Variants in CRPPA observed in about 807,000 individuals in gnomAD.
The protein encoded by CRPPA is CDP-L-ribitol pyrophosphorylase A, also known as D-ribitol-5-phosphate cytidylyltransferase.
In CRPPA, 43 loss-of-function variants were observed where a neutral mutation model predicts 52.0. The observed-to-expected ratio is 0.83, with a 90% confidence interval of 0.65 to 1.07. The LOEUF (loss-of-function observed/expected upper bound fraction) is 1.07, where lower values mean the gene tolerates loss of function less well. CRPPA is among the 50% of genes least tolerant of loss of function. The pLI is 0.00. For synonymous variants in CRPPA, 250 were observed against 203.5 expected, an observed-to-expected ratio of 1.23 and a Z score of -1.94; for missense variants, 629 against 551.7, an observed-to-expected ratio of 1.14 and a Z score of -1.40.
intron 2 of CRPPA, among the ~76,000 whole-genome samples, chr7:16,403,641 G>A (rs955802500): frequency 6.6e-6 from 1 of 152,116 alleles, no homozygotes; most frequent in Non-Finnish European, 1.5e-5. Flanking sequence ...CAGTCTGAAC[G>A]GTGTGTGACT....
chr7:16,215,679 T>C (rs1782285259), intron 9 of CRPPA, among the ~76,000 whole-genome samples: 1 of 152,216 alleles, frequency 6.6e-6, no homozygotes, highest in South Asian at 2.1e-4. Context: ...TCTGGCTTTG[T>C]AGGGTTGCCA....
intron 9 of CRPPA, among the ~76,000 whole-genome samples, chr7:16,096,388 C>T (rs1781935312): frequency 6.6e-6 from 1 of 151,626 alleles, no homozygotes; most frequent in African/African-American, 2.4e-5. Context: ...GCCTAAGACA[C>T]TAAAAAATAG....
intron 1 of CRPPA, among the ~76,000 whole-genome samples, chr7:16,414,488 A>AT (rs1409477453): frequency 6.6e-6 from 1 of 152,180 alleles, no homozygotes; most frequent in Non-Finnish European, 1.5e-5. Context: ...CAGGGAATAC[A>AT]TTTTTTAAAA....
chr7:16,263,443 T>C (rs1262473246), intron 6 of CRPPA, among the ~76,000 whole-genome samples: 1 of 152,190 alleles, frequency 6.6e-6, no homozygotes, highest in Non-Finnish European at 1.5e-5. Flanking sequence ...GTTAGTAAGA[T>C]ATACACTCTT....
chr7:16,317,878 C>T (rs1785181166), intron 3 of CRPPA, among the ~76,000 whole-genome samples: 2 of 152,240 alleles, frequency 1.3e-5, no homozygotes, highest in African/African-American at 4.8e-5. Flanking sequence ...TATCAAAGTT[C>T]TCTTTTGTCC....
At chr7:16,305,732 G>A (rs7787520) in intron 4 of CRPPA, among the ~76,000 whole-genome samples, 39,334 of 151,884 alleles carry the variant, frequency 0.26, 5,061 homozygotes, top group Non-Finnish European at 0.29. Flanking sequence ...TGAGTGTGGT[G>A]GCAAGCGCCT....
chr7:16,386,702 G>A (rs1787278774), intron 2 of CRPPA, among the ~76,000 whole-genome samples: 1 of 152,048 alleles, frequency 6.6e-6, no homozygotes, highest in African/African-American at 2.4e-5. Flanking sequence ...GACAGGCAAG[G>A]AAGTTAATAC....
chr7:16,315,299 C>T (rs548633322), intron 3 of CRPPA, among the ~76,000 whole-genome samples: 26 of 152,260 alleles, frequency 1.7e-4, no homozygotes, highest in African/African-American at 6.0e-4. Context: ...GAGTCCTTGT[C>T]ATATTAATCA....
At chr7:16,222,340 T>C (rs1782535736) in intron 8 of CRPPA, among the ~76,000 whole-genome samples, 1 of 147,178 alleles carries the variant, frequency 6.8e-6, no homozygotes, top group South Asian at 2.2e-4. Context: ...ATATACCTAA[T>C]GCTAGATGAC....
chr7:16,128,839 TA>T (rs1246547384), intron 9 of CRPPA, among the ~76,000 whole-genome samples: 1 of 152,092 alleles, frequency 6.6e-6, no homozygotes, highest in Non-Finnish European at 1.5e-5. Flanking sequence ...GGCTAAGGTA[TA>T]AAATGAGTAG....
Position 16,297,153 on chromosome 7 carries a change from T to A in CRPPA, c.835+4268A>T, listed in dbSNP as rs371221679. ...AGACCTGAGCTTAAATAATGGATCT[T>A]GCTCTTACCAACCGTGTGACCCAGA... is the stretch of plus-strand genomic sequence containing the variant. On this transcript the variant is annotated intron_variant, in intron 5 of 9. Transcript: ENST00000407010. Among the ~76,000 whole-genome samples the A allele has an allele frequency of 3.9e-5, 6 of 152,310 alleles. No homozygotes were observed. In the East Asian group the frequency reaches 1.2e-3, roughly 29 times the overall value.
At chr7:16,196,884 T>C (rs556721148) in intron 9 of CRPPA, among the ~76,000 whole-genome samples, 1 of 152,296 alleles carries the variant, frequency 6.6e-6, no homozygotes, top group South Asian at 2.1e-4. Flanking sequence ...TAATGTGTTT[T>C]CATAACCTAA....
At chr7:16,232,754 A>C (rs1351940491) in intron 8 of CRPPA, among the ~76,000 whole-genome samples, 1 of 152,182 alleles carries the variant, frequency 6.6e-6, no homozygotes, top group Non-Finnish European at 1.5e-5. Flanking sequence ...ATCTGGAACA[A>C]AGCTCATATT....
chr7:16,096,249 T>C (rs968643470), intron 9 of CRPPA, among the ~76,000 whole-genome samples: 3 of 151,112 alleles, frequency 2.0e-5, no homozygotes, highest in Non-Finnish European at 2.9e-5. Flanking sequence ...TATCACTAGA[T>C]AGGCAAAGAA....
intron 3 of CRPPA, among the ~76,000 whole-genome samples, chr7:16,368,113 C>T (rs1786656803): frequency 6.6e-6 from 1 of 152,026 alleles, no homozygotes; most frequent in African/African-American, 2.4e-5. Flanking sequence ...CCAATTTTCA[C>T]AGGAAATGAA....
chr7:16,356,188 A>G (rs1327441332), intron 3 of CRPPA, among the ~76,000 whole-genome samples: 2 of 152,242 alleles, frequency 1.3e-5, no homozygotes, highest in East Asian at 3.8e-4. Flanking sequence ...GAACAAGTTA[A>G]GCCAAACAAT....
At chr7:16,250,894 A>T (rs1386152334) in intron 8 of CRPPA, among the ~76,000 whole-genome samples, 1 of 152,168 alleles carries the variant, frequency 6.6e-6, no homozygotes, top group Non-Finnish European at 1.5e-5. Context: ...TTAAATGTAA[A>T]TGGAATAAAT....
In CRPPA at chr7:16,259,019, G is replaced by A; in HGVS notation, c.934-7C>T. On this transcript the variant is annotated splice_region_variant and splice_polypyrimidine_tract_variant and intron_variant, in intron 6 of 9. Coordinates refer to ENST00000407010, the MANE Select transcript of CRPPA (RefSeq NM_001101426.4). ...CAGATGTGACTTTTACATGCTAGTA[G>A]GAAAAAACAGAAATGAATTCACAAA... 10 of 1,589,300 alleles carry A rather than the reference G, an allele frequency of 6.3e-6. No homozygotes were observed. The highest frequency in any genetic ancestry group is 1.7e-5 in the Admixed American group (1 of 57,696).
Position 16,278,197 on chromosome 7 carries a change from T to C in CRPPA, c.865A>G (p.Met289Val), listed in dbSNP as rs1359488738. The C allele has an allele frequency of 1.9e-6, 3 of 1,574,402 alleles. No individual in the cohort carries two copies. The highest frequency in any genetic ancestry group is 2.6e-6 in the Non-Finnish European group (3 of 1,155,068). Residue 289 changes from methionine to valine, a missense_variant, in exon 6 of 10, where the codon ATG (methionine) becomes GTG (valine). By Grantham distance (21) the Met-to-Val change is conservative. Transcript: ENST00000407010. ...ERISQEICVV[M>V]DTEEDNKHVG... The stretch of plus-strand genomic sequence containing the variant: ...TGTTTGTTATCTTCTTCTGTATCCA[T>C]AACTACACAAATCTCTTGGGAAATT...
Sources: allele counts gnomAD v4.1 joint callset (sites outside exome capture counted in the v4.1 genomes callset), GRCh38; gene constraint gnomAD v4.1.1; transcripts MANE v1.5; gene names NCBI Gene and HGNC (gene_info 2026-07-23, HGNC 2026-07-21).